The following CNTN1 variants were observed in gnomAD, a reference collection of about 807,000 sequenced individuals.
The protein encoded by CNTN1 is contactin 1.
In CNTN1, 38 loss-of-function variants were observed where a neutral mutation model predicts 126.4. The ratio of observed to expected loss-of-function variants is 0.30; its 90% CI spans 0.23 to 0.39. The LOEUF (loss-of-function observed/expected upper bound fraction) is 0.39, where lower values mean the gene tolerates loss of function less well. Ranked by LOEUF, CNTN1 falls within the 10% of genes least tolerant of loss-of-function variation. The pLI is 1.00. For missense variants in CNTN1, 1,009 were observed against 1,248.4 expected, an observed-to-expected ratio of 0.81 and a Z score of 2.89; for synonymous variants, 413 against 422.6, an observed-to-expected ratio of 0.98 and a Z score of 0.28.
intron 16 of CNTN1, among the ~76,000 whole-genome samples, chr12:40,986,812 G>T (rs567402853): frequency 7.9e-5 from 12 of 152,030 alleles, no homozygotes; most frequent in Non-Finnish European, 1.3e-4. Context: ...CATGATGAAG[G>T]CCTATGAAAA....
chr12:40,951,681 C>T (rs1946687059), intron 14 of CNTN1, among the ~76,000 whole-genome samples: 1 of 131,650 alleles, frequency 7.6e-6, no homozygotes, highest in Admixed American at 8.9e-5. Flanking sequence ...TGCACTCCAG[C>T]CTGGGTGAAA....
chr12:40,802,084 C>T (rs1006824686), intron 1 of CNTN1, among the ~76,000 whole-genome samples: 3 of 151,772 alleles, frequency 2.0e-5, no homozygotes, highest in Non-Finnish European at 4.4e-5. Context: ...AAAGGAAGAA[C>T]TGAAGGAAGA....
chr12:40,864,111 C>A (rs1057217398), intron 1 of CNTN1, among the ~76,000 whole-genome samples: 10 of 150,038 alleles, frequency 6.7e-5, no homozygotes, highest in Non-Finnish European at 1.5e-4. Flanking sequence ...ACCTCTGCCT[C>A]CCAGGTTCAA....
intron 1 of CNTN1, among the ~76,000 whole-genome samples, chr12:40,737,108 T>G (rs116246582): frequency 9.3e-4 from 141 of 152,006 alleles, no homozygotes; most frequent in African/African-American, 3.3e-3. Context: ...TCCAAATCAG[T>G]ATAAATCCAG....
intron 1 of CNTN1, among the ~76,000 whole-genome samples, chr12:40,772,148 A>G (rs1939362509): frequency 1.3e-5 from 2 of 152,070 alleles, no homozygotes; most frequent in Non-Finnish European, 2.9e-5. Context: ...CTGCAAAATA[A>G]TATACTGCAG....
At chr12:40,791,071 G>A (rs1431828603) in intron 1 of CNTN1, among the ~76,000 whole-genome samples, 1 of 152,024 alleles carries the variant, frequency 6.6e-6, no homozygotes, top group Non-Finnish European at 1.5e-5. Context: ...CAACAATTTT[G>A]TTATTACTTG....
intron 23 of CNTN1, among the ~76,000 whole-genome samples, chr12:41,033,742 G>A (rs920390660): frequency 1.3e-5 from 2 of 151,936 alleles, no homozygotes; most frequent in Non-Finnish European, 2.9e-5. Context: ...ATGATTAAAA[G>A]ATAATGATGT....
chr12:40,801,595 G>A (rs2136484880), intron 1 of CNTN1, among the ~76,000 whole-genome samples: 1 of 151,872 alleles, frequency 6.6e-6, no homozygotes, highest in African/African-American at 2.4e-5. Context: ...CAGCGCTCCT[G>A]ACAAGGAGCG....
At chr12:40,801,918 A>G (rs1940670032) in intron 1 of CNTN1, among the ~76,000 whole-genome samples, 1 of 151,780 alleles carries the variant, frequency 6.6e-6, no homozygotes, top group African/African-American at 2.4e-5. Flanking sequence ...AGCAAGAGAT[A>G]GATTATGAGG....
chr12:40,731,315 AT>A lies in CNTN1; in HGVS notation c.-77+38729del, dbSNP rs1942495960. Among the ~76,000 whole-genome samples the A allele has an allele frequency of 2.0e-5, 3 of 152,064 alleles. No individual in the cohort carries two copies. The South Asian group carries it at 6.2e-4, about 32-fold the overall frequency. On this transcript the variant is annotated intron_variant, in intron 1 of 23. Transcript: ENST00000551295. The stretch of plus-strand genomic sequence containing the variant: ...AAAGCAAATACTATGACAATTCTAT[AT>A]TTTTTAAAGAGGCCAAACAGGAATG...
At chr12:40,773,311 T>C (rs1408322963) in intron 1 of CNTN1, among the ~76,000 whole-genome samples, 1 of 151,772 alleles carries the variant, frequency 6.6e-6, no homozygotes, top group Non-Finnish European at 1.5e-5. Flanking sequence ...CTTTTCGTTT[T>C]AGAAAACGAT....
chr12:40,955,397 C>T (rs931627892), intron 14 of CNTN1, among the ~76,000 whole-genome samples: 3 of 152,040 alleles, frequency 2.0e-5, no homozygotes, highest in Non-Finnish European at 4.4e-5. Context: ...TAAATTTTCA[C>T]ACCTTCCCAA....
intron 1 of CNTN1, among the ~76,000 whole-genome samples, chr12:40,844,069 A>ATTTGTTTTTTTTTTTTTT (rs1942397233): frequency 1.2e-5 from 1 of 84,684 alleles, no homozygotes; most frequent in Non-Finnish European, 2.3e-5. Context: ...TGGCACAATG[A>ATTTGTTTTTTTTTTTTTT]TTTTTTTTTT....
chr12:40,807,984 TTC>T (rs1451063829), intron 1 of CNTN1, among the ~76,000 whole-genome samples: 1 of 152,146 alleles, frequency 6.6e-6, no homozygotes, highest in Non-Finnish European at 1.5e-5. Context: ...ATTTTCCAAA[TTC>T]TTTGTTTACT....
chr12:40,733,521 A>T (rs893788753), intron 1 of CNTN1, among the ~76,000 whole-genome samples: 2 of 151,928 alleles, frequency 1.3e-5, no homozygotes, highest in Admixed American at 6.6e-5. Context: ...AAGAGGTACA[A>T]GAGATTTTTG....
rs368454456 is a variant in CNTN1, at chr12:41,025,403, T to C, written c.2710+67T>C. On this transcript the variant is annotated intron_variant, in intron 21 of 23. Transcript: ENST00000551295. Reference sequence around the variant, plus strand: ...ACTGGATTCAATCATGATACGAATATATTTGAAGGAAATTTCCTACCTAGC... The same window carrying C: ...ACTGGATTCAATCATGATACGAATACATTTGAAGGAAATTTCCTACCTAGC... 60 of 1,511,082 alleles carry C rather than the reference T, an allele frequency of 4.0e-5. No homozygotes were observed. The East Asian group carries it at 5.9e-4, about 15-fold the overall frequency. The allele number at this position is 1,511,082 out of a possible 1,614,324, so 93.6% of individuals were successfully genotyped here.
chr12:40,755,752 A>G (rs1317583649), intron 1 of CNTN1, among the ~76,000 whole-genome samples: 7 of 152,010 alleles, frequency 4.6e-5, no homozygotes, highest in African/African-American at 1.7e-4. Flanking sequence ...TGATTAGAGT[A>G]GGTGAGAGGG....
At chr12:40,722,770 G>GT (rs1167153519) in intron 1 of CNTN1, among the ~76,000 whole-genome samples, 1 of 152,038 alleles carries the variant, frequency 6.6e-6, no homozygotes, top group African/African-American at 2.4e-5. Flanking sequence ...TTTACTAAGT[G>GT]TATTTGAATT....
chr12:40,734,716 T>G (rs781419499), intron 1 of CNTN1, among the ~76,000 whole-genome samples: 8 of 152,146 alleles, frequency 5.3e-5, no homozygotes, highest in Non-Finnish European at 1.0e-4. Context: ...ATCATTACAA[T>G]TTATCACTAA....
Sources: gnomAD v4.1 joint callset for allele counts (sites outside exome capture counted in the v4.1 genomes callset) on GRCh38, gnomAD v4.1.1 for gene constraint, MANE v1.5 for transcripts, NCBI Gene and HGNC (gene_info 2026-07-23, HGNC 2026-07-21) for gene names.